SAMD8: variants seen among roughly 807,000 people sequenced by gnomAD.
The protein encoded by SAMD8 is sphingomyelin synthase-related protein 1.
SAMD8 carries 20 observed loss-of-function variants against 42.0 expected under a neutral mutation model. That is an observed-to-expected ratio of 0.48 (90% CI 0.34 to 0.69). SAMD8 has a LOEUF of 0.69. Ranked by LOEUF, SAMD8 falls within the 30% of genes least tolerant of loss-of-function variation. SAMD8 has a pLI of 0.01. For synonymous variants in SAMD8, 162 were observed against 173.0 expected (o/e 0.94, Z 0.50); for missense variants, 328 against 511.6 (o/e 0.64, Z 3.46).
intron 1 of SAMD8, among the ~76,000 whole-genome samples, chr10:75,136,565 A>G (rs991348006): frequency 6.6e-6 from 1 of 152,192 alleles, no homozygotes; most frequent in Admixed American, 6.6e-5. Flanking sequence ...GTAATCAGTC[A>G]GGGTTCACTT....
At chr10:75,123,677 G>A (rs1849058299) in intron 1 of SAMD8, among the ~76,000 whole-genome samples, 7 of 151,930 alleles carry the variant, frequency 4.6e-5, no homozygotes, top group Admixed American at 4.6e-4. Flanking sequence ...TCTTTTTCTG[G>A]TCCTTTGGTT....
intron 1 of SAMD8, among the ~76,000 whole-genome samples, chr10:75,140,937 A>G (rs1382013131): frequency 6.6e-6 from 1 of 152,202 alleles, no homozygotes; most frequent in African/African-American, 2.4e-5. Context: ...TTCAGCATAT[A>G]GGTCTTGCCC....
intron 1 of SAMD8, among the ~76,000 whole-genome samples, chr10:75,100,052 GGGGCTTTGGGAAGTGGGACAGGCTCC>G (rs1168465596): frequency 1.3e-5 from 2 of 152,090 alleles, no homozygotes; most frequent in Non-Finnish European, 2.9e-5. Flanking sequence ...GGCAGGAGAT[GGGGCTTTGGGAAGTGGGACAGGCTCC>G]GGGCTCAGGC....
At chr10:75,124,273 T>A (rs574407363) in intron 1 of SAMD8, among the ~76,000 whole-genome samples, 1 of 152,190 alleles carries the variant, frequency 6.6e-6, no homozygotes, top group African/African-American at 2.4e-5. Context: ...AAAAAGTATG[T>A]CTACTCCATC....
At chr10:75,140,436 A>C (rs1839986665) in intron 1 of SAMD8, among the ~76,000 whole-genome samples, 2 of 152,128 alleles carry the variant, frequency 1.3e-5, no homozygotes, top group East Asian at 1.9e-4. Flanking sequence ...ACTCCTAATG[A>C]CCTATGCTTT....
chr10:75,147,192 G>A (rs1455458917), intron 1 of SAMD8, among the ~76,000 whole-genome samples: 1 of 152,136 alleles, frequency 6.6e-6, no homozygotes, highest in African/African-American at 2.4e-5. Context: ...GAGTATGAGA[G>A]GAAACTGTCC....
At chr10:75,170,752 T>A (rs1840834094) in intron 4 of SAMD8, among the ~76,000 whole-genome samples, 1 of 148,752 alleles carries the variant, frequency 6.7e-6, no homozygotes, top group Admixed American at 6.8e-5. Context: ...ACTTACACAC[T>A]CATATAAGTT....
In SAMD8 at chr10:75,165,543, G is replaced by A. The variant is rs1465475948; in HGVS notation, c.674+803G>A. Among the ~76,000 whole-genome samples the A allele has an allele frequency of 3.3e-5, 5 of 151,808 alleles. No individual in the cohort carries two copies. In the East Asian group the frequency reaches 9.7e-4, roughly 29 times the overall value. Reference sequence around the variant, plus strand: ...ATATTAGCTGGGCATGGTGGCGGGTGCCTGTAGTCCCAGCTAACTTGGGAG... The same window carrying A: ...ATATTAGCTGGGCATGGTGGCGGGTACCTGTAGTCCCAGCTAACTTGGGAG... On this transcript the variant is annotated intron_variant, in intron 3 of 5. Coordinates refer to ENST00000542569, the MANE Select transcript of SAMD8 (RefSeq NM_001174156.2).
At chr10:75,118,629 G>A (rs1164360815) in intron 1 of SAMD8, among the ~76,000 whole-genome samples, 2 of 152,178 alleles carry the variant, frequency 1.3e-5, no homozygotes, top group Non-Finnish European at 2.9e-5. Context: ...GGGCGACAGA[G>A]CAAGACTCCG....
chr10:75,156,753 G>A (rs1189857859), intron 2 of SAMD8, among the ~76,000 whole-genome samples: 7 of 152,098 alleles, frequency 4.6e-5, no homozygotes, highest in Admixed American at 4.6e-4. Context: ...CAGTGTCATG[G>A]CAGGCAAAAT....
upstream of SAMD8, among the ~76,000 whole-genome samples, chr10:75,111,120 A>C (rs1369409971): frequency 6.6e-6 from 1 of 152,224 alleles, no homozygotes; most frequent in East Asian, 1.9e-4. Context: ...GCCTTAGCAC[A>C]AGGATTAAAT....
At chr10:75,127,181 C>CT (rs1849164455) in intron 1 of SAMD8, among the ~76,000 whole-genome samples, 1 of 111,238 alleles carries the variant, frequency 9.0e-6, no homozygotes, top group South Asian at 2.8e-4. Flanking sequence ...GAGCGAGACT[C>CT]TGTCTCAAAA....
chr10:75,166,117 A>G (rs1414432053), intron 3 of SAMD8, among the ~76,000 whole-genome samples: 3 of 152,040 alleles, frequency 2.0e-5, no homozygotes, highest in African/African-American at 7.2e-5. Context: ...TAGACGAAAG[A>G]ATTTATTTAC....
intron 1 of SAMD8, among the ~76,000 whole-genome samples, chr10:75,104,713 C>G (rs1259789649): frequency 6.6e-6 from 1 of 152,166 alleles, no homozygotes; most frequent in Non-Finnish European, 1.5e-5. Flanking sequence ...AGCTATAACC[C>G]AAAGTTTCTT....
intron 1 of SAMD8, chr10:75,104,180 C>G: frequency 2.9e-6 from 3 of 1,024,916 alleles, no homozygotes; most frequent in Non-Finnish European, 4.0e-6. Flanking sequence ...GGGATAAGAG[C>G]TGTCACCTAA....
At chr10:75,161,976 G>A (rs919351727) in intron 2 of SAMD8, among the ~76,000 whole-genome samples, 2 of 151,958 alleles carry the variant, frequency 1.3e-5, no homozygotes, top group African/African-American at 4.8e-5. Context: ...AGGCAGAAGT[G>A]GCAGTAAGCC....
chr10:75,147,306 A>G (rs976823889), intron 1 of SAMD8, among the ~76,000 whole-genome samples: 1 of 152,038 alleles, frequency 6.6e-6, no homozygotes, highest in South Asian at 2.1e-4. Context: ...GACTGAAGAA[A>G]TCTGGCCTTG....
At chr10:75,124,044 T>C (rs1849070148) in intron 1 of SAMD8, among the ~76,000 whole-genome samples, 2 of 152,142 alleles carry the variant, frequency 1.3e-5, no homozygotes, top group Non-Finnish European at 2.9e-5. Context: ...TTGTTTTTTC[T>C]TGGAGCTTTT....
chr10:75,157,175 C>CT (rs1204795031), intron 2 of SAMD8, among the ~76,000 whole-genome samples: 1 of 151,274 alleles, frequency 6.6e-6, no homozygotes, highest in Non-Finnish European at 1.5e-5. Flanking sequence ...ATTCTTTTAA[C>CT]TTTTTTTGTA....
Sources: allele counts gnomAD v4.1 joint callset (sites outside exome capture counted in the v4.1 genomes callset), GRCh38; gene constraint gnomAD v4.1.1; transcripts MANE v1.5; gene names NCBI Gene and HGNC (gene_info 2026-07-23, HGNC 2026-07-21).